The following ARID1B variants were observed in gnomAD, a reference collection of about 807,000 sequenced individuals.
ARID1B encodes AT-rich interaction domain 1B, also known as AT-rich interactive domain-containing protein 1B.
Under a neutral mutation model 212.3 loss-of-function variants are expected in ARID1B, and 30 were observed. The ratio of observed to expected loss-of-function variants is 0.14; its 90% CI spans 0.11 to 0.19. The LOEUF is 0.19. Among genes scored for constraint, ARID1B ranks in the 10% least tolerant of loss-of-function variants. The pLI is 1.00. For synonymous variants in ARID1B, 1,402 were observed against 1,301.7 expected, an observed-to-expected ratio of 1.08 and a Z score of -1.66; for missense variants, 2,891 against 3,204.0, an observed-to-expected ratio of 0.90 and a Z score of 2.36.
chr6:157,184,216 C>T lies in ARID1B; in HGVS notation c.3715-15C>T, dbSNP rs371650826. The T allele has an allele frequency of 2.1e-5, 34 of 1,592,044 alleles. No homozygotes were observed. In the Middle Eastern group the frequency reaches 5.0e-4, roughly 23 times the overall value. ...CTTTGTTGCAAACCAATGATCCTGCCGTGTTTTTCACTAGGTTAATAAAAA... is the reference window on the plus strand; with the variant it reads ...CTTTGTTGCAAACCAATGATCCTGCTGTGTTTTTCACTAGGTTAATAAAAA... On this transcript the variant is annotated splice_polypyrimidine_tract_variant and intron_variant, in intron 12 of 19. Transcript: ENST00000636930.
At chr6:156,921,710 AG>A (rs1376840213) in intron 3 of ARID1B, among the ~76,000 whole-genome samples, 1 of 152,212 alleles carries the variant, frequency 6.6e-6, no homozygotes, top group Non-Finnish European at 1.5e-5. Context: ...TCTTGTAAAA[AG>A]TTCAAAAAGT....
At chr6:156,812,129 ATC>A (rs898995168) in intron 1 of ARID1B, among the ~76,000 whole-genome samples, 2 of 151,368 alleles carry the variant, frequency 1.3e-5, no homozygotes, top group African/African-American at 2.4e-5. Context: ...ATATTTCTGC[ATC>A]TCTCTCTCTC....
At chr6:156,925,380 A>AC (rs1791136042) in intron 3 of ARID1B, among the ~76,000 whole-genome samples, 1 of 152,092 alleles carries the variant, frequency 6.6e-6, no homozygotes. Context: ...ATGGTGCCAC[A>AC]CACCTGTAGT....
At chr6:157,183,109 G>A (rs184064183) in intron 12 of ARID1B, among the ~76,000 whole-genome samples, 78 of 152,268 alleles carry the variant, frequency 5.1e-4, no homozygotes, top group Admixed American at 1.5e-3. Flanking sequence ...CCATCATGCT[G>A]TGTACCTTGT....
At chr6:156,898,243 A>G (rs1343499970) in intron 2 of ARID1B, among the ~76,000 whole-genome samples, 1 of 152,126 alleles carries the variant, frequency 6.6e-6, no homozygotes, top group Non-Finnish European at 1.5e-5. Context: ...TATGGTTAAG[A>G]ATGAAACGAC....
chr6:156,967,527 G>A (rs1190797730), intron 4 of ARID1B, among the ~76,000 whole-genome samples: 1 of 151,498 alleles, frequency 6.6e-6, no homozygotes, highest in African/African-American at 2.4e-5. Flanking sequence ...AAGAGGAGGA[G>A]GGAGAGAATG....
At chr6:156,906,907 A>C (rs1789440117) in intron 3 of ARID1B, among the ~76,000 whole-genome samples, 2 of 152,210 alleles carry the variant, frequency 1.3e-5, no homozygotes, top group African/African-American at 4.8e-5. Flanking sequence ...GGTATCCTTT[A>C]AAAAATTACA....
chr6:156,849,646 T>G (rs1297218436), intron 2 of ARID1B, among the ~76,000 whole-genome samples: 1 of 152,222 alleles, frequency 6.6e-6, no homozygotes, highest in Non-Finnish European at 1.5e-5. Context: ...CATTTTCTCC[T>G]TCTTTTCTTG....
At chr6:156,840,291 C>T (rs909889361) in intron 2 of ARID1B, among the ~76,000 whole-genome samples, 2 of 152,230 alleles carry the variant, frequency 1.3e-5, no homozygotes, top group African/African-American at 2.4e-5. Context: ...AGACATTTCT[C>T]TGACTTAAGT....
At chr6:157,117,236 T>C (rs1336625220) in intron 6 of ARID1B, among the ~76,000 whole-genome samples, 4 of 152,236 alleles carry the variant, frequency 2.6e-5, no homozygotes, top group African/African-American at 9.6e-5. Flanking sequence ...AAGTCTGAGG[T>C]TTCAAAATTA....
intron 4 of ARID1B, among the ~76,000 whole-genome samples, chr6:156,998,073 T>G (rs1778699803): frequency 6.6e-6 from 1 of 152,218 alleles, no homozygotes; most frequent in South Asian, 2.1e-4. Flanking sequence ...ATGGGTGCTG[T>G]GCGGGCTTGC....
At chr6:156,989,722 C>T (rs1773147522) in intron 4 of ARID1B, among the ~76,000 whole-genome samples, 1 of 152,164 alleles carries the variant, frequency 6.6e-6, no homozygotes, top group Non-Finnish European at 1.5e-5. Flanking sequence ...TTGAAATTAG[C>T]AATGTTTGCT....
chr6:156,880,293 A>G (rs909888690), intron 2 of ARID1B, among the ~76,000 whole-genome samples: 3 of 152,188 alleles, frequency 2.0e-5, no homozygotes, highest in Admixed American at 6.5e-5. Context: ...AATAGCGAGA[A>G]TGTTTCATGA....
chr6:156,912,184 T>C lies in ARID1B; in HGVS notation c.2136+10659T>C, dbSNP rs576339588. ...GGTGGCAGACTAGGTGCTCTCAATG[T>C]CTCTATTGATCAAAATATCTAAAAT... On this transcript the variant is annotated intron_variant, in intron 3 of 19. Coordinates refer to ENST00000636930, the MANE Select transcript of ARID1B (RefSeq NM_001374828.1). 6.6e-5 allele frequency among the ~76,000 whole-genome samples: 10 copies of C among 152,080 alleles called. No individual in the cohort carries two copies. The South Asian group carries it at 2.1e-3, about 32-fold the overall frequency.
At chr6:156,816,153 T>C (rs1781947897) in intron 1 of ARID1B, among the ~76,000 whole-genome samples, 1 of 152,230 alleles carries the variant, frequency 6.6e-6, no homozygotes, top group South Asian at 2.1e-4. Flanking sequence ...AAAATGCCTA[T>C]GTTTGGAGCA....
Position 157,124,462 on chromosome 6 carries a change from G to A in ARID1B, c.2582-8566G>A, listed in dbSNP as rs116940165. ...TATAAAAGTGACTGCTTTCCTGGAAGGGCAAGGAATGTCATGGAAGATAGC... is the reference window on the plus strand; with the variant it reads ...TATAAAAGTGACTGCTTTCCTGGAAAGGCAAGGAATGTCATGGAAGATAGC... On this transcript the variant is annotated intron_variant, in intron 6 of 19. Coordinates refer to ENST00000636930, the MANE Select transcript of ARID1B (RefSeq NM_001374828.1). Among the ~76,000 whole-genome samples, 1,080 of 152,352 alleles carry A rather than the reference G, an allele frequency of 7.1e-3. 10 individuals are homozygous for A. The highest frequency in any genetic ancestry group is 0.01 in the Admixed American group (159 of 15,308).
chr6:157,074,209 A>G (rs1583260093), intron 4 of ARID1B, among the ~76,000 whole-genome samples: 1 of 151,994 alleles, frequency 6.6e-6, no homozygotes, highest in Non-Finnish European at 1.5e-5. Context: ...AGATTTTCAG[A>G]TTGTTTTTTG....
chr6:157,143,062 T>C (rs1221727033), intron 7 of ARID1B, among the ~76,000 whole-genome samples: 1 of 152,204 alleles, frequency 6.6e-6, no homozygotes, highest in Non-Finnish European at 1.5e-5. Flanking sequence ...GTGACTTGAA[T>C]AGGGTCTAGC....
intron 5 of ARID1B, among the ~76,000 whole-genome samples, chr6:157,099,593 T>A (rs1287793700): frequency 1.3e-5 from 2 of 152,190 alleles, no homozygotes; most frequent in Non-Finnish European, 2.9e-5. Flanking sequence ...TGAGTAACGT[T>A]TTATAAGTTG....
Sources: allele counts gnomAD v4.1 joint callset (sites outside exome capture counted in the v4.1 genomes callset), GRCh38; gene constraint gnomAD v4.1.1; transcripts MANE v1.5; gene names NCBI Gene and HGNC (gene_info 2026-07-23, HGNC 2026-07-21).